Variants in NF2 observed in about 807,000 individuals in gnomAD.
NF2 encodes the protein merlin.
Under a neutral mutation model 83.7 loss-of-function variants are expected in NF2, and 8 were observed. The observed-to-expected ratio is 0.10, with a 90% confidence interval of 0.06 to 0.17. The LOEUF (loss-of-function observed/expected upper bound fraction) is 0.17, where lower values mean the gene tolerates loss of function less well. Among genes scored for constraint, NF2 ranks in the 10% least tolerant of loss-of-function variants. NF2 has a pLI of 1.00. For synonymous variants in NF2, 266 were observed against 269.6 expected (o/e 0.99, Z 0.13); for missense variants, 533 against 744.4 (o/e 0.72, Z 3.31).
rs2067212119 is a variant in NF2 at position 29,683,930 on chromosome 22, C to T, written c.1737+2329C>T. The T allele has an allele frequency of 2.9e-6, 3 of 1,031,736 alleles. No homozygotes were observed. The Admixed American group carries it at 1.7e-4, about 59-fold the overall frequency. 63.9% of individuals were successfully genotyped at this position (1,031,736 alleles called of 1,614,324 possible). A position where few individuals can be genotyped will look rare whatever the true frequency, so the allele number is the denominator to read the frequency against. ...TCCTGCCTCTACTTCTCACCTAATC[C>T]CCAGTAGTACCCATGCCAACAAGCC... On this transcript the variant is annotated intron_variant, in intron 15 of 15. Coordinates refer to ENST00000338641, the MANE Select transcript of NF2 (RefSeq NM_000268.4).
intron 13 of NF2, among the ~76,000 whole-genome samples, chr22:29,676,039 G>A (rs140260589): frequency 4.1e-3 from 630 of 152,282 alleles, no homozygotes; most frequent in African/African-American, 0.015. Context: ...GGTTGACTGG[G>A]CCAGACAGAG....
At chr22:29,672,307 C>CACT in intron 11 of NF2, among the ~76,000 whole-genome samples, 1 of 134,586 alleles carries the variant, frequency 7.4e-6, no homozygotes, top group Admixed American at 7.5e-5. Context: ...TGCCACATGT[C>CACT]TCTTTTTTTT....
chr22:29,648,239 A>G (rs2530668), intron 4 of NF2, among the ~76,000 whole-genome samples: 55,235 of 151,990 alleles, frequency 0.36, 10,955 homozygotes, highest in Non-Finnish European at 0.47. Flanking sequence ...GAACCCCAAT[A>G]TAAAAAAAAT....
chr22:29,681,730 G>A (rs1192747234), intron 15 of NF2, 129 bp downstream of exon 15: 1 of 1,141,568 alleles, frequency 8.8e-7, no homozygotes, highest in Admixed American at 2.1e-5. Context: ...CTTAGTTGAG[G>A]AAATTTTTTA....
At chr22:29,666,617 A>G (rs2066630989) in intron 9 of NF2, among the ~76,000 whole-genome samples, 1 of 152,028 alleles carries the variant, frequency 6.6e-6, no homozygotes, top group Non-Finnish European at 1.5e-5. Context: ...GGAGTTCGAG[A>G]CCAACCTGGG....
At position 29,636,797 on chromosome 22, in the gene NF2, T is replaced by G. The variant is rs762440698; in HGVS notation, c.161T>G (p.Leu54Arg). 1.2e-6 allele frequency: 2 copies of G among 1,614,218 alleles called. No individual in the cohort carries two copies. The highest frequency in any genetic ancestry group is 1.7e-5 in the Admixed American group (1 of 60,024). Reference protein sequence around the residue: ...KDLFDLVCRTLGLRETWFFGL... With the variant: ...KDLFDLVCRTRGLRETWFFGL... Reference sequence around the variant, plus strand: ...CTCTTTGATTTGGTGTGCCGGACTCTGGGGCTCCGAGAAACCTGGTTCTTT... The same window carrying G: ...CTCTTTGATTTGGTGTGCCGGACTCGGGGGCTCCGAGAAACCTGGTTCTTT... Residue 54 changes from leucine to arginine, a missense_variant, in exon 2 of 16, where the codon CTG (leucine) becomes CGG (arginine). By Grantham distance (102) the Leu-to-Arg change is moderately radical (BLOSUM62 -2). Around this residue, in one of 3 missense-constraint regions of NF2, gnomAD observed 326 missense variants for 475.1 expected, o/e 0.69. Transcript: ENST00000338641. This position sits in a 1 kb window ranked among gnomAD's most constrained non-coding sequence, Gnocchi z 4.4.
chr22:29,643,994 C>T (rs1481805780), intron 4 of NF2, among the ~76,000 whole-genome samples: 10 of 149,740 alleles, frequency 6.7e-5, no homozygotes, highest in African/African-American at 2.0e-4. Flanking sequence ...CCCTCCCGGA[C>T]GGGGCGGCTG....
chr22:29,611,932 C>T (rs1170635637), intron 1 of NF2, among the ~76,000 whole-genome samples: 2 of 152,056 alleles, frequency 1.3e-5, no homozygotes, highest in Non-Finnish European at 2.9e-5. Context: ...ATCTTTTTTT[C>T]CATCCTCTGA....
In NF2 at chr22:29,694,139, C is replaced by T. The variant is rs776235468; in HGVS notation, c.1738-613C>T. Among the ~76,000 whole-genome samples the T allele has an allele frequency of 8.5e-5, 13 of 152,244 alleles. No individual in the cohort carries two copies. The highest frequency in any genetic ancestry group is 2.0e-4 in the Admixed American group (3 of 15,290). ...CACCAGCCCTCCCTGCCTGCACAAG[C>T]CACACTGAGAAAGCCGTTGCCTCCA... On this transcript the variant is annotated intron_variant, in intron 15 of 15. Coordinates refer to ENST00000338641, the MANE Select transcript of NF2 (RefSeq NM_000268.4). This position sits in a 1 kb window ranked among gnomAD's most constrained non-coding sequence, Gnocchi z 4.1.
chr22:29,620,469 G>A (rs548225479), intron 1 of NF2, among the ~76,000 whole-genome samples: 2 of 152,178 alleles, frequency 1.3e-5, no homozygotes, highest in East Asian at 3.9e-4. Flanking sequence ...GCCGGGCATG[G>A]TGGCTCATTC....
rs1420943143 is a variant in NF2 at position 29,668,458 on chromosome 22, C to T, written c.999+12C>T. 1.3e-6 allele frequency: 2 copies of T among 1,585,630 alleles called. No individual in the cohort carries two copies. The highest frequency in any genetic ancestry group is 8.7e-7 in the Non-Finnish European group (1 of 1,154,760). ...AGGCTAGAAAGCAGGTGAGCACAAC[C>T]TTGTTTTAACTGATGATGTCACTGT... On this transcript the variant is annotated intron_variant, in intron 10 of 15. Transcript: ENST00000338641.
chr22:29,658,050 G>T (rs117536234), intron 6 of NF2, 139 bp from the exon 7 acceptor site: 8 of 737,192 alleles, frequency 1.1e-5, no homozygotes, highest in African/African-American at 8.6e-5. Context: ...AGCTTTGCTG[G>T]TGTCTGCTGT....
chr22:29,639,469 C>T (rs2065741199), intron 3 of NF2, among the ~76,000 whole-genome samples: 1 of 152,168 alleles, frequency 6.6e-6, no homozygotes, highest in Non-Finnish European at 1.5e-5. Context: ...CTTAAAACCT[C>T]CTTGAAAATG....
rs1311012306 is a variant in NF2, at chr22:29,697,214, A to G, written c.*2412A>G. On this transcript the variant is annotated 3_prime_UTR_variant, in exon 16 of 16. Transcript: ENST00000338641. ...TTTAACAATGGCTGCAGGTGGGAGC[A>G]TATGGTGGTTTATAAAAACGCTGTC... 1 of 203,410 alleles carries G rather than the reference A, an allele frequency of 4.9e-6. No homozygotes were observed. Among genetic ancestry groups the G allele is most frequent in the Non-Finnish European group, 1.0e-5 (1 of 98,882 alleles). 12.6% of individuals were successfully genotyped at this position (203,410 alleles called of 1,614,324 possible). A position where few individuals can be genotyped will look rare whatever the true frequency, so the allele number is the denominator to read the frequency against.
chr22:29,673,518 G>A, intron 12 of NF2, 32 bp downstream of exon 12: 2 of 1,587,274 alleles, frequency 1.3e-6, no homozygotes, highest in Non-Finnish European at 1.7e-6. Flanking sequence ...GACTGGCGAG[G>A]AGGCTGGCGA....
At chr22:29,687,540 C>T (rs1342938739) in intron 15 of NF2, among the ~76,000 whole-genome samples, 1 of 152,194 alleles carries the variant, frequency 6.6e-6, no homozygotes, top group African/African-American at 2.4e-5. Flanking sequence ...GTGGCCAGAG[C>T]CTCCCTGGCG....
chr22:29,652,869 C>G (rs1029166622), intron 4 of NF2, among the ~76,000 whole-genome samples: 7 of 152,190 alleles, frequency 4.6e-5, no homozygotes, highest in Non-Finnish European at 7.3e-5. Context: ...CATCACATCT[C>G]TGAGCCTCCC....
intron 6 of NF2, 24 bp from the exon 7 acceptor site, chr22:29,658,165 C>T (rs2146988774): frequency 1.2e-6 from 2 of 1,610,636 alleles, no homozygotes; most frequent in Non-Finnish European, 1.7e-6. Flanking sequence ...GCTCCAATGA[C>T]AGTGTCTTCC....
intron 6 of NF2, among the ~76,000 whole-genome samples, chr22:29,657,981 G>C (rs2066363061): frequency 6.6e-6 from 1 of 152,190 alleles, no homozygotes; most frequent in Non-Finnish European, 1.5e-5. Flanking sequence ...ACTATCTTTT[G>C]ATGGGGATGG....
Sources: allele counts gnomAD v4.1 joint callset (sites outside exome capture counted in the v4.1 genomes callset), GRCh38; gene constraint gnomAD v4.1.1; regional missense constraint gnomAD v4.1.1; non-coding constraint Gnocchi (gnomAD v3.1); transcripts MANE v1.5; gene names NCBI Gene and HGNC (gene_info 2026-07-23, HGNC 2026-07-21).